TBC1D26: variants seen among roughly 807,000 people sequenced by gnomAD.
TBC1D26 encodes the protein TBC1 domain family member 26, also known as TBC1 domain family, member 26.
TBC1D26 carries 19 observed loss-of-function variants against 42.5 expected under a neutral mutation model. The ratio of observed to expected loss-of-function variants is 0.45; its 90% CI spans 0.31 to 0.66. TBC1D26 has a LOEUF of 0.66. TBC1D26 is among the 30% of genes least tolerant of loss of function. The pLI is 0.06. For missense variants in TBC1D26, 228 were observed against 332.6 expected, an observed-to-expected ratio of 0.69 and a Z score of 2.45; for synonymous variants, 97 against 123.5, an observed-to-expected ratio of 0.79 and a Z score of 1.42.
At chr17:15,740,692 G>A in intron 9 of TBC1D26, 1 of 1,086,078 alleles carries the variant, frequency 9.2e-7, no homozygotes, top group African/African-American at 1.6e-5. Flanking sequence ...GGAGGACCCA[G>A]CCACCCCTTA....
intron 7 of TBC1D26, 65 bp downstream of exon 7, chr17:15,738,452 C>T (rs1597755582): frequency 6.3e-7 from 1 of 1,575,564 alleles, no homozygotes; most frequent in African/African-American, 1.3e-5. Flanking sequence ...GCCCAGGACT[C>T]CAGCTGGAGG....
chr17:15,737,913 G>A (rs1967662496), intron 5 of TBC1D26, 84 bp from the exon 6 acceptor site: 1 of 1,588,648 alleles, frequency 6.3e-7, no homozygotes, highest in Non-Finnish European at 8.6e-7. Flanking sequence ...TCCCTTCAGG[G>A]CCCCAAAGCC....
At position 15,739,950 on chromosome 17, in the gene TBC1D26, A is replaced by G. The variant is rs563971141; in HGVS notation, c.498-150A>G. ...TGGATTTTACTGAAAAAAAATTCCTAAAAACTCAGGTGTCCTAAAGAGCTC... is the reference window on the plus strand; with the variant it reads ...TGGATTTTACTGAAAAAAAATTCCTGAAAACTCAGGTGTCCTAAAGAGCTC... On this transcript the variant is annotated intron_variant, in intron 8 of 14. Transcript: ENST00000437605. 10 of 914,834 alleles carry G rather than the reference A, an allele frequency of 1.1e-5. No individual in the cohort carries two copies. The Admixed American group carries it at 1.1e-4, about 10-fold the overall frequency. 56.7% of individuals were successfully genotyped at this position (914,834 alleles called of 1,614,324 possible).
At chr17:15,739,649 G>A (rs547600610) in intron 8 of TBC1D26, among the ~76,000 whole-genome samples, 791 of 152,094 alleles carry the variant, frequency 5.2e-3, no homozygotes, top group African/African-American at 0.018. Context: ...CATAGAGACA[G>A]AGAACAGATC....
chr17:15,739,132 AC>A (rs1454733732), intron 8 of TBC1D26, among the ~76,000 whole-genome samples: 1 of 149,544 alleles, frequency 6.7e-6, no homozygotes, highest in Non-Finnish European at 1.5e-5. Context: ...CAGGATAGGG[AC>A]CCATGGGAAG....
intron 8 of TBC1D26, among the ~76,000 whole-genome samples, chr17:15,739,543 G>A (rs1461127745): frequency 2.0e-5 from 3 of 152,284 alleles, no homozygotes; most frequent in Non-Finnish European, 4.4e-5. Context: ...GAACATGGGT[G>A]GATCTTAGAT....
chr17:15,733,976 C>T (rs1228413136), intron 1 of TBC1D26: 3 of 152,294 alleles, frequency 2.0e-5, no homozygotes, highest in African/African-American at 7.2e-5. Flanking sequence ...AGGGTCACCC[C>T]TGAGCACTCA....
intron 10 of TBC1D26, chr17:15,741,452 G>C (rs1967777423): frequency 1.5e-6 from 1 of 670,264 alleles, no homozygotes; most frequent in Non-Finnish European, 2.4e-6. Context: ...TAACATCAGA[G>C]GGCATGGATA....
intron 9 of TBC1D26, 151 bp from the exon 10 acceptor site, chr17:15,740,970 CA>C (rs1967759599): frequency 1.0e-6 from 1 of 999,256 alleles, no homozygotes; most frequent in Non-Finnish European, 1.5e-6. Flanking sequence ...TGTCCAGTGC[CA>C]GGGGAGGGGT....
intron 1 of TBC1D26, among the ~76,000 whole-genome samples, chr17:15,734,426 G>A (rs913191356): frequency 7.9e-5 from 12 of 151,996 alleles, no homozygotes; most frequent in African/African-American, 2.9e-4. Flanking sequence ...TGGACACATG[G>A]GGTCCTTCAT....
chr17:15,736,928 G>A (rs1195249978), intron 4 of TBC1D26, among the ~76,000 whole-genome samples: 1 of 152,240 alleles, frequency 6.6e-6, no homozygotes, highest in Non-Finnish European at 1.5e-5. Flanking sequence ...GGGAAGATGG[G>A]GAGCAGGCAG....
At chr17:15,740,524 A>C (rs1967749353) in intron 9 of TBC1D26, 1 of 1,203,832 alleles carries the variant, frequency 8.3e-7, no homozygotes, top group African/African-American at 1.5e-5. Flanking sequence ...CTTCACTGGA[A>C]ACCTGGCAAG....
At position 15,740,124 on chromosome 17, in the gene TBC1D26, C is replaced by T. The variant is rs372997102; in HGVS notation, c.522C>T (p.Leu174=). ...GGCAGCAGGAATTATGTGACATCCT[C>T]GTGGCCTATTCTGCATATAACCCTG... is the stretch of plus-strand genomic sequence containing the variant. ...GVKQQELCDI[L]VAYSAYNPEV... is the part of the protein sequence containing the mutation. The change falls in exon 9 of 15, where the codon CTC becomes CTT. Residue 174 remains leucine, a synonymous_variant. Transcript: ENST00000437605. 80 of 1,614,050 alleles carry T rather than the reference C, an allele frequency of 5.0e-5. No homozygotes were observed. The highest frequency in any genetic ancestry group is 1.6e-4 in the African/African-American group (12 of 75,034).
intron 6 of TBC1D26, 41 bp from the exon 7 acceptor site, chr17:15,738,239 G>A (rs373139439): frequency 1.2e-5 from 19 of 1,611,400 alleles, no homozygotes; most frequent in Admixed American, 3.3e-5. Flanking sequence ...CTGCGGGGTC[G>A]CCCCATGTCC....
Position 15,738,322 on chromosome 17 carries a change from G to A in TBC1D26, c.322G>A (p.Gly108Ser). Residue 108 changes from glycine to serine, a missense_variant, in exon 7 of 15, where the codon GGC becomes AGC. Physicochemically the swap from Gly to Ser is moderately conservative, Grantham distance 56 (BLOSUM62 0). Transcript: ENST00000437605. Reference sequence around the variant, plus strand: ...CAAAGTCATTCCCCTGGCGGTACGGGGCCGGGCGTGGTCACTTTTGCTAGA... The same window carrying A: ...CAAAGTCATTCCCCTGGCGGTACGGAGCCGGGCGTGGTCACTTTTGCTAGA... ...VYKVIPLAVRGRAWSLLLDID... is the reference protein window; with the variant it reads ...VYKVIPLAVRSRAWSLLLDID... The A allele has an allele frequency of 6.2e-7, 1 of 1,613,692 alleles. No homozygotes were observed. The highest frequency in any genetic ancestry group is 8.5e-7 in the Non-Finnish European group (1 of 1,180,012).
intron 5 of TBC1D26, 72 bp from the exon 6 acceptor site, chr17:15,737,925 T>G (rs1967662891): frequency 1.2e-6 from 2 of 1,606,264 alleles, no homozygotes; most frequent in Admixed American, 1.7e-5. Flanking sequence ...CCCAAAGCCC[T>G]GGACCCAGCA....
At chr17:15,740,570 C>G (rs1266189351) in intron 9 of TBC1D26, 1 of 1,122,448 alleles carries the variant, frequency 8.9e-7, no homozygotes, top group African/African-American at 1.6e-5. Context: ...CCCATAGGAG[C>G]ATAGCAGATA....
intron 1 of TBC1D26, among the ~76,000 whole-genome samples, chr17:15,734,526 C>G (rs1304724964): frequency 6.6e-6 from 1 of 151,854 alleles, no homozygotes; most frequent in East Asian, 1.9e-4. Flanking sequence ...ACAATCGTCT[C>G]TCCTGGTCAA....
intron 8 of TBC1D26, 39 bp from the exon 9 acceptor site, chr17:15,740,061 C>T: frequency 6.4e-7 from 1 of 1,558,070 alleles, no homozygotes; most frequent in Non-Finnish European, 8.7e-7. Context: ...AGCGTCTGCA[C>T]ACACACAAAA....
Sources: gnomAD v4.1 joint callset for allele counts (sites outside exome capture counted in the v4.1 genomes callset) on GRCh38, gnomAD v4.1.1 for gene constraint, MANE v1.5 for transcripts, NCBI Gene and HGNC (gene_info 2026-07-23, HGNC 2026-07-21) for gene names.